Variants in GSE1 observed in about 807,000 individuals in gnomAD.
The protein encoded by GSE1 is Gse1 coiled-coil protein, also known as genetic suppressor element 1.
Under a neutral mutation model 112.6 loss-of-function variants are expected in GSE1, and 32 were observed. That is an observed-to-expected ratio of 0.28 (90% CI 0.21 to 0.38). GSE1 has a LOEUF of 0.38. GSE1 is among the 10% of genes least tolerant of loss of function. The probability of loss-of-function intolerance (pLI) is 1.00; values close to 1 mark genes in which losing one functional copy is unlikely to be tolerated. For synonymous variants in GSE1, 1,115 were observed against 735.6 expected, an observed-to-expected ratio of 1.52 and a Z score of -8.35; for missense variants, 2,348 against 1,699.2, an observed-to-expected ratio of 1.38 and a Z score of -6.71.
chr16:85,456,609 T>TGTGTGA (rs2151814852), intron 2 of GSE1, among the ~76,000 whole-genome samples: 1 of 149,782 alleles, frequency 6.7e-6, no homozygotes, highest in South Asian at 2.1e-4. Flanking sequence ...TGTGTGTGTG[T>TGTGTGA]GTGTGTGTGT....
intron 2 of GSE1, among the ~76,000 whole-genome samples, chr16:85,413,188 C>A (rs558277155): frequency 6.6e-6 from 1 of 152,204 alleles, no homozygotes; most frequent in African/African-American, 2.4e-5. Context: ...CGCTCCCATC[C>A]GGGCAGCGGC....
intron 1 of GSE1, among the ~76,000 whole-genome samples, chr16:85,214,117 C>T (rs545748769): frequency 9.9e-5 from 15 of 152,208 alleles, no homozygotes; most frequent in Admixed American, 6.5e-5. Flanking sequence ...AGATTGACAT[C>T]GTACGAGTGT....
At chr16:85,183,453 G>C (rs1459109348) in intron 1 of GSE1, among the ~76,000 whole-genome samples, 1 of 152,162 alleles carries the variant, frequency 6.6e-6, no homozygotes. Flanking sequence ...GGTGGGGTTG[G>C]AGAGGCTGGT....
chr16:85,614,994 CT>C (rs754345683), intron 1 of GSE1, among the ~76,000 whole-genome samples: 11 of 152,362 alleles, frequency 7.2e-5, no homozygotes, highest in Non-Finnish European at 1.6e-4. Flanking sequence ...AATGTGCCCC[CT>C]GGTCGGCCGT....
At chr16:85,453,573 C>T (rs2049743608) in intron 2 of GSE1, among the ~76,000 whole-genome samples, 1 of 152,040 alleles carries the variant, frequency 6.6e-6, no homozygotes, top group South Asian at 2.1e-4. Context: ...GGGTGTGGCT[C>T]CTGGAGCCCC....
chr16:85,236,612 C>T (rs1434075840), intron 1 of GSE1, among the ~76,000 whole-genome samples: 1 of 152,134 alleles, frequency 6.6e-6, no homozygotes, highest in Non-Finnish European at 1.5e-5. Context: ...AGCTTGAAGG[C>T]TGTGAATGCC....
chr16:85,490,765 C>G (rs894175514), intron 2 of GSE1: 2 of 152,198 alleles, frequency 1.3e-5, no homozygotes, highest in African/African-American at 4.8e-5. Context: ...TAGCGTGGGG[C>G]CTGCCGGGCA....
At chr16:85,470,236 C>T (rs1206875869) in intron 2 of GSE1, among the ~76,000 whole-genome samples, 5 of 152,218 alleles carry the variant, frequency 3.3e-5, no homozygotes, top group East Asian at 3.9e-4. Context: ...CCTGAATCCT[C>T]GGTTGATGTG....
intron 2 of GSE1, among the ~76,000 whole-genome samples, chr16:85,460,934 G>A (rs949073881): frequency 6.6e-6 from 1 of 152,224 alleles, no homozygotes; most frequent in African/African-American, 2.4e-5. Flanking sequence ...TGGTCCAGTG[G>A]GGTAGAAGTT....
upstream of GSE1, among the ~76,000 whole-genome samples, chr16:85,609,082 C>T (rs557735420): frequency 2.0e-5 from 3 of 152,310 alleles, no homozygotes; most frequent in African/African-American, 7.2e-5. Flanking sequence ...CGCCCGCACC[C>T]CTGAGCACCT....
chr16:85,297,722 G>A (rs2045408115), intron 1 of GSE1, among the ~76,000 whole-genome samples: 2 of 152,160 alleles, frequency 1.3e-5, no homozygotes, highest in Admixed American at 1.3e-4. Flanking sequence ...TTGTTGCCCA[G>A]CTGATCTCAA....
At position 85,413,007 on chromosome 16, in the gene GSE1, G is replaced by A. The variant is rs540921677; in HGVS notation, c.2464+55364G>A. Among the ~76,000 whole-genome samples, 5 of 152,264 alleles carry A rather than the reference G, an allele frequency of 3.3e-5. No individual in the cohort carries two copies. The South Asian group carries it at 6.2e-4, about 19-fold the overall frequency. ...CAGGTTATAATGCTGAGCCTTTATC[G>A]CACACTTAGGAGGGCCTGGCTTCTG... On this transcript the variant is annotated intron_variant, in intron 2 of 2. Coordinates refer to the GSE1 transcript ENST00000637419.
rs1201953342 is a variant in GSE1, at chr16:85,289,758, G to T, written c.2284-67705G>T. Among the ~76,000 whole-genome samples, 4 of 152,200 alleles carry T rather than the reference G, an allele frequency of 2.6e-5. No homozygotes were observed. The East Asian group carries it at 5.8e-4, about 22-fold the overall frequency. On this transcript the variant is annotated intron_variant, in intron 1 of 2. Transcript: ENST00000637419. ...CAAGGTCCTGGGGCAGTCGCCCGAT[G>T]AGGAACCCAGGCCGGGCTGGTCTTT... is the stretch of plus-strand genomic sequence containing the variant.
chr16:85,485,211 A>G (rs1307277549), intron 2 of GSE1, among the ~76,000 whole-genome samples: 1 of 152,138 alleles, frequency 6.6e-6, no homozygotes, highest in Non-Finnish European at 1.5e-5. Flanking sequence ...GGAGATAGGC[A>G]CCCCAGGGCC....
intron 1 of GSE1, among the ~76,000 whole-genome samples, chr16:85,253,150 A>C (rs548812553): frequency 6.9e-6 from 1 of 144,376 alleles, no homozygotes; most frequent in East Asian, 2.2e-4. Context: ...GGCATATGCC[A>C]CGCGGGAATG....
At chr16:85,326,302 T>G (rs1269175060) in intron 1 of GSE1, among the ~76,000 whole-genome samples, 1 of 152,218 alleles carries the variant, frequency 6.6e-6, no homozygotes, top group Admixed American at 6.5e-5. Context: ...TGTGTGACCT[T>G]AAGTGAGTTA....
At chr16:85,605,668 G>C (rs913106618) in intron 1 of GSE1, among the ~76,000 whole-genome samples, 1 of 151,836 alleles carries the variant, frequency 6.6e-6, no homozygotes, top group South Asian at 2.1e-4. Context: ...CCCCCGGGGG[G>C]GCCACCGGCT....
At chr16:85,325,587 G>C (rs1046992842) in intron 1 of GSE1, among the ~76,000 whole-genome samples, 5 of 151,482 alleles carry the variant, frequency 3.3e-5, no homozygotes, top group African/African-American at 1.2e-4. Flanking sequence ...GAATAGCAGG[G>C]ACTACAAGCA....
At chr16:85,634,302 C>A (rs1049443887) in intron 2 of GSE1, among the ~76,000 whole-genome samples, 170 bp downstream of exon 2, 2 of 152,258 alleles carry the variant, frequency 1.3e-5, no homozygotes, top group African/African-American at 4.8e-5. Context: ...GCCAGTCCGC[C>A]TGCCCCAGCA....
Sources: gnomAD v4.1 joint callset for allele counts (sites outside exome capture counted in the v4.1 genomes callset) on GRCh38, gnomAD v4.1.1 for gene constraint, MANE v1.5 for transcripts, NCBI Gene and HGNC (gene_info 2026-07-23, HGNC 2026-07-21) for gene names.